MACROD2: variants seen among roughly 807,000 people sequenced by gnomAD.
The protein encoded by MACROD2 is mono-ADP ribosylhydrolase 2, also known as ADP-ribose glycohydrolase MACROD2.
A neutral mutation model predicts 70.4 loss-of-function variants in MACROD2; 36 were observed. The ratio of observed to expected loss-of-function variants is 0.51; its 90% confidence interval spans 0.39 to 0.68. MACROD2 has a LOEUF of 0.68. MACROD2 is among the 30% of genes least tolerant of loss of function. The probability of loss-of-function intolerance (pLI) is 0.00; values close to 1 mark genes in which losing one functional copy is unlikely to be tolerated. For synonymous variants in MACROD2, 172 were observed against 178.8 expected, an observed-to-expected ratio of 0.96 and a Z score of 0.30; for missense variants, 496 against 538.4, an observed-to-expected ratio of 0.92 and a Z score of 0.78.
At chr20:15,220,841 A>G (rs1326135072) in intron 5 of MACROD2, among the ~76,000 whole-genome samples, 2 of 152,242 alleles carry the variant, frequency 1.3e-5, no homozygotes, top group Non-Finnish European at 2.9e-5. Context: ...GGTGAGAGTC[A>G]TGGAACAATT....
rs562230096 is a variant in MACROD2 at position 15,108,518 on chromosome 20, A to T, written c.419-121422A>T. On this transcript the variant is annotated intron_variant, in intron 5 of 17. Transcript: ENST00000684519. Reference sequence around the variant, plus strand: ...ATACCTAATGATAGCTGGCCTGGCCATGCCTCATTTCACTGCCGATTTCCT... The same window carrying T: ...ATACCTAATGATAGCTGGCCTGGCCTTGCCTCATTTCACTGCCGATTTCCT... Among the ~76,000 whole-genome samples the T allele has an allele frequency of 2.0e-5, 3 of 152,258 alleles. No individual in the cohort carries two copies. In the East Asian group the frequency reaches 5.8e-4, roughly 29 times the overall value.
chr20:14,832,096 GC>G (rs879316806), intron 5 of MACROD2, among the ~76,000 whole-genome samples: 46 of 135,884 alleles, frequency 3.4e-4, no homozygotes, highest in Non-Finnish European at 6.6e-4. Context: ...AGGCTGGAGT[GC>G]AGTGGCACGA....
chr20:14,098,320 A>C (rs116044548), intron 3 of MACROD2, among the ~76,000 whole-genome samples: 1 of 152,234 alleles, frequency 6.6e-6, no homozygotes, highest in Non-Finnish European at 1.5e-5. Flanking sequence ...AAGTTGTCCA[A>C]TTCTGAAGTT....
At chr20:14,331,319 T>C (rs994711158) in intron 3 of MACROD2, among the ~76,000 whole-genome samples, 14 of 152,162 alleles carry the variant, frequency 9.2e-5, no homozygotes, top group African/African-American at 3.4e-4. Flanking sequence ...GAAAGAGTTC[T>C]AAATTGGTGT....
At chr20:15,478,148 G>T (rs1249704172) in intron 7 of MACROD2, among the ~76,000 whole-genome samples, 2 of 152,154 alleles carry the variant, frequency 1.3e-5, no homozygotes, top group African/African-American at 4.8e-5. Context: ...AGTTTATAGG[G>T]GGGTTGTTAC....
chr20:14,893,653 G>A (rs1863591695), intron 5 of MACROD2: 1 of 151,530 alleles, frequency 6.6e-6, no homozygotes, highest in African/African-American at 2.4e-5. Flanking sequence ...TTTAATACTT[G>A]GTTACTAGCC....
In MACROD2 at chr20:15,559,588, G is replaced by A. The variant is rs76605501; in HGVS notation, c.645+59741G>A. Among the ~76,000 whole-genome samples, 522 of 152,296 alleles carry A rather than the reference G, an allele frequency of 3.4e-3. 4 individuals are homozygous for A. In the East Asian group the frequency reaches 0.042, roughly 12 times the overall value. On this transcript the variant is annotated intron_variant, in intron 8 of 17. Transcript: ENST00000684519. ...GACAAAGAGCTGAATTCTCTCCATT[G>A]TTCTCTGACTTCTCTCATGGGAAGA...
intron 5 of MACROD2, among the ~76,000 whole-genome samples, chr20:14,827,225 A>G (rs2072911809): frequency 6.6e-6 from 1 of 152,156 alleles, no homozygotes; most frequent in African/African-American, 2.4e-5. Context: ...TTGGCATCAA[A>G]TGACTTATTG....
intron 8 of MACROD2, among the ~76,000 whole-genome samples, chr20:15,853,034 T>C (rs1260315788): frequency 6.6e-6 from 1 of 152,044 alleles, no homozygotes; most frequent in African/African-American, 2.4e-5. Context: ...ATAATAGTAA[T>C]AATAACATGA....
At chr20:14,294,633 TA>T (rs2082412380) in intron 3 of MACROD2, among the ~76,000 whole-genome samples, 1 of 151,834 alleles carries the variant, frequency 6.6e-6, no homozygotes. Context: ...AGCTACGGCA[TA>T]ACGTGTATAT....
chr20:15,200,370 T>C (rs148689268), intron 5 of MACROD2, among the ~76,000 whole-genome samples: 9 of 152,324 alleles, frequency 5.9e-5, no homozygotes, highest in Middle Eastern at 3.4e-3. Flanking sequence ...TTTGACCCTG[T>C]CACCCAATTA....
At chr20:15,381,030 A>G (rs1448362532) in intron 6 of MACROD2, among the ~76,000 whole-genome samples, 2 of 152,210 alleles carry the variant, frequency 1.3e-5, no homozygotes, top group Non-Finnish European at 2.9e-5. Flanking sequence ...AGTTCCAACT[A>G]TAGATTGACT....
chr20:15,560,671 G>C (rs1284811276), intron 8 of MACROD2, among the ~76,000 whole-genome samples: 1 of 145,602 alleles, frequency 6.9e-6, no homozygotes, highest in Non-Finnish European at 1.5e-5. Flanking sequence ...GCTGAGGCAG[G>C]AGAATCACTT....
At chr20:14,348,277 A>T (rs1251430747) in intron 3 of MACROD2, among the ~76,000 whole-genome samples, 1 of 138,576 alleles carries the variant, frequency 7.2e-6, no homozygotes, top group Non-Finnish European at 1.6e-5. Context: ...TCAAAAAAAA[A>T]AAAATAAATA....
At position 15,030,886 on chromosome 20, in the gene MACROD2, G is replaced by A. The variant is rs76835852; in HGVS notation, c.419-199054G>A. On this transcript the variant is annotated intron_variant, in intron 5 of 17. Coordinates refer to ENST00000684519, the MANE Select transcript of MACROD2 (RefSeq NM_001351661.2). ...TCTCTAGGGTGTTGCTTTTCCAGCC[G>A]GAAACCTCTGAGGCTGGTAGCGCCT... 1.6e-3 allele frequency among the ~76,000 whole-genome samples: 250 copies of A among 152,270 alleles called. 1 individual carries two copies. The highest frequency in any genetic ancestry group is 5.7e-3 in the African/African-American group (237 of 41,532).
At chr20:15,456,884 G>A (rs184143622) in intron 7 of MACROD2, among the ~76,000 whole-genome samples, 41 of 152,132 alleles carry the variant, frequency 2.7e-4, no homozygotes, top group Non-Finnish European at 7.4e-5. Context: ...GCTGGTGAAC[G>A]TGAAGTTTGG....
intron 6 of MACROD2, among the ~76,000 whole-genome samples, chr20:15,407,025 G>A (rs899612127): frequency 5.3e-5 from 8 of 152,118 alleles, no homozygotes; most frequent in East Asian, 1.9e-4. Context: ...TTGCCTGTTC[G>A]GAGACCAAGA....
chr20:14,174,686 G>C (rs561724938), intron 3 of MACROD2, among the ~76,000 whole-genome samples: 5 of 152,256 alleles, frequency 3.3e-5, no homozygotes, highest in Admixed American at 6.5e-5. Flanking sequence ...CCTTCCCAAG[G>C]TTTTGTCCAG....
chr20:14,868,700 C>G (rs937011834), intron 5 of MACROD2, among the ~76,000 whole-genome samples: 9 of 152,168 alleles, frequency 5.9e-5, no homozygotes, highest in Admixed American at 3.3e-4. Context: ...TTTGAAATTG[C>G]TGTGTTTTCC....
Sources: gnomAD v4.1 joint callset for allele counts (sites outside exome capture counted in the v4.1 genomes callset) on GRCh38, gnomAD v4.1.1 for gene constraint, MANE v1.5 for transcripts, NCBI Gene and HGNC (gene_info 2026-07-23, HGNC 2026-07-21) for gene names.